Variants in XKR6 observed in about 807,000 individuals in gnomAD.
XKR6 encodes the protein XK related 6, also known as XK-related protein 6.
A neutral mutation model predicts 56.7 loss-of-function variants in XKR6; 22 were observed. The ratio of observed to expected loss-of-function variants is 0.39; its 90% CI spans 0.28 to 0.55. The LOEUF (loss-of-function observed/expected upper bound fraction) is 0.55. Ranked by LOEUF, XKR6 falls within the 20% of genes least tolerant of loss-of-function variation. XKR6 has a pLI of 0.66. For missense variants in XKR6, 852 were observed against 889.0 expected, an observed-to-expected ratio of 0.96 and a Z score of 0.53; for synonymous variants, 524 against 387.8, an observed-to-expected ratio of 1.35 and a Z score of -4.13.
chr8:10,979,510 G>C (rs930942514), intron 1 of XKR6, among the ~76,000 whole-genome samples: 4 of 152,048 alleles, frequency 2.6e-5, no homozygotes, highest in Non-Finnish European at 4.4e-5. Context: ...CTCTCCTCCG[G>C]TCTGGTCCTT....
At chr8:11,020,496 G>A (rs1798726222) in intron 1 of XKR6, among the ~76,000 whole-genome samples, 1 of 152,186 alleles carries the variant, frequency 6.6e-6, no homozygotes, top group Non-Finnish European at 1.5e-5. Context: ...TAGGGTGCTT[G>A]TAAGAACCCA....
intron 1 of XKR6, among the ~76,000 whole-genome samples, chr8:11,000,928 A>T (rs1305624737): frequency 2.0e-5 from 3 of 152,156 alleles, no homozygotes; most frequent in Non-Finnish European, 4.4e-5. Context: ...ACCAATGCCT[A>T]CACCCCTTCC....
rs575495644 is a variant in XKR6 at position 11,045,657 on chromosome 8, C to T, written c.765-120827G>A. Among the ~76,000 whole-genome samples, 3 of 152,254 alleles carry T rather than the reference C, an allele frequency of 2.0e-5. No individual in the cohort carries two copies. In the South Asian group the frequency reaches 6.2e-4, roughly 32 times the overall value. The stretch of plus-strand genomic sequence containing the variant: ...TGTTGCGGACAGCTCGGAGAAGATG[C>T]TTGAGTCTAGCCATCATCATGAAAA... On this transcript the variant is annotated intron_variant, in intron 1 of 2. Transcript: ENST00000416569.
chr8:11,065,406 C>T (rs1799949341), intron 1 of XKR6, among the ~76,000 whole-genome samples: 1 of 152,196 alleles, frequency 6.6e-6, no homozygotes, highest in South Asian at 2.1e-4. Context: ...TCGGTGGCTT[C>T]GTCATATGAC....
intron 1 of XKR6, among the ~76,000 whole-genome samples, chr8:11,182,942 C>T (rs1803073352): frequency 6.6e-6 from 1 of 152,192 alleles, no homozygotes; most frequent in Admixed American, 6.5e-5. Flanking sequence ...CCTCCACGGC[C>T]CTTTTGTAAG....
chr8:10,919,772 G>C (rs1018502562), intron 2 of XKR6, among the ~76,000 whole-genome samples: 1 of 152,120 alleles, frequency 6.6e-6, no homozygotes, highest in African/African-American at 2.4e-5. Context: ...AACAGGAGCG[G>C]AGCCTTAGCA....
intron 1 of XKR6, among the ~76,000 whole-genome samples, chr8:11,075,912 T>C (rs532027415): frequency 3.9e-5 from 6 of 152,284 alleles, no homozygotes; most frequent in East Asian, 3.9e-4. Context: ...TGAGGAGATA[T>C]TTGTACTCTG....
At chr8:11,196,504 A>C (rs1803899329) in intron 1 of XKR6, among the ~76,000 whole-genome samples, 1 of 152,244 alleles carries the variant, frequency 6.6e-6, no homozygotes, top group Non-Finnish European at 1.5e-5. Flanking sequence ...CCTTGAGTAC[A>C]CCTGAGGTAC....
rs5889354 is a variant in XKR6 at position 10,976,753 on chromosome 8, GTCTCTCTCTCTC to G, written c.765-51935_765-51924del. 9.4e-5 allele frequency among the ~76,000 whole-genome samples: 14 copies of G among 149,306 alleles called. No individual in the cohort carries two copies. In the South Asian group the frequency reaches 3.0e-3, roughly 32 times the overall value. On this transcript the variant is annotated intron_variant, in intron 1 of 2. Coordinates refer to ENST00000416569, the MANE Select transcript of XKR6 (RefSeq NM_173683.4). ...TCCATATCACTAGGCTACCTCGCCT[GTCTCTCTCTCTC>G]TCTCTCTCTCTCTGTCTCTCTCTCT...
intron 1 of XKR6, among the ~76,000 whole-genome samples, chr8:11,091,180 C>T (rs951104900): frequency 5.3e-5 from 8 of 152,148 alleles, no homozygotes; most frequent in Admixed American, 6.5e-5. Context: ...CCTGTAATCC[C>T]AGCACTTGGG....
At chr8:11,069,581 C>G (rs753808882) in intron 1 of XKR6, among the ~76,000 whole-genome samples, 3 of 152,152 alleles carry the variant, frequency 2.0e-5, no homozygotes, top group Non-Finnish European at 4.4e-5. Context: ...CCATCTTCCC[C>G]TGCCCCCAAG....
At chr8:11,018,114 G>C (rs1486307759) in intron 1 of XKR6, among the ~76,000 whole-genome samples, 1 of 152,168 alleles carries the variant, frequency 6.6e-6, no homozygotes, top group Admixed American at 6.5e-5. Context: ...GGATGTCAAA[G>C]GGTTACGCTG....
chr8:11,048,606 C>T (rs543252965), intron 1 of XKR6, among the ~76,000 whole-genome samples: 2 of 152,254 alleles, frequency 1.3e-5, no homozygotes, highest in Admixed American at 6.5e-5. Context: ...CCCGAGGATT[C>T]GGATGCACGG....
chr8:10,930,102 T>C (rs4240673), intron 1 of XKR6, among the ~76,000 whole-genome samples: 82,162 of 152,048 alleles, frequency 0.54, 24,041 homozygotes, highest in African/African-American at 0.71. Flanking sequence ...GTCCAAACTA[T>C]GTTGCCCCTC....
At chr8:10,926,472 T>G (rs1366608786) in intron 1 of XKR6, among the ~76,000 whole-genome samples, 1 of 152,046 alleles carries the variant, frequency 6.6e-6, no homozygotes, top group Non-Finnish European at 1.5e-5. Flanking sequence ...GAAGCTGCAA[T>G]GGATGCCTCA....
At chr8:11,156,727 AGG>A (rs1801537791) in intron 1 of XKR6, among the ~76,000 whole-genome samples, 1 of 152,172 alleles carries the variant, frequency 6.6e-6, no homozygotes, top group Non-Finnish European at 1.5e-5. Flanking sequence ...TGGGGTGGGA[AGG>A]GGAAAGACAA....
intron 1 of XKR6, among the ~76,000 whole-genome samples, chr8:10,998,194 C>T (rs1798158111): frequency 6.6e-6 from 1 of 152,110 alleles, no homozygotes; most frequent in Non-Finnish European, 1.5e-5. Context: ...CCCACTGAGA[C>T]AGCTAGCCTT....
chr8:10,976,198 C>G (rs1802553356), intron 1 of XKR6, among the ~76,000 whole-genome samples: 3 of 152,078 alleles, frequency 2.0e-5, no homozygotes, highest in Middle Eastern at 6.8e-3. Context: ...AAGTGCCCCC[C>G]CCCAACCTCG....
chr8:10,952,984 G>A (rs1005356629), intron 1 of XKR6, among the ~76,000 whole-genome samples: 1 of 152,222 alleles, frequency 6.6e-6, no homozygotes, highest in African/African-American at 2.4e-5. Context: ...TAGGCTGCGC[G>A]CTCCTTATGA....
Sources: allele counts gnomAD v4.1 joint callset (sites outside exome capture counted in the v4.1 genomes callset), GRCh38; gene constraint gnomAD v4.1.1; transcripts MANE v1.5; gene names NCBI Gene and HGNC (gene_info 2026-07-23, HGNC 2026-07-21).